The following KIF13A variants were observed in gnomAD, a reference collection of about 807,000 sequenced individuals.
The protein encoded by KIF13A is kinesin-like protein KIF13A.
KIF13A carries 79 observed loss-of-function variants against 212.2 expected under a neutral mutation model. The ratio of observed to expected loss-of-function variants is 0.37; its 90% CI spans 0.31 to 0.45. The LOEUF is 0.45. KIF13A is among the 20% of genes least tolerant of loss of function. The pLI is 1.00. For synonymous variants in KIF13A, 789 were observed against 808.6 expected, an observed-to-expected ratio of 0.98 and a Z score of 0.41; for missense variants, 1,901 against 2,209.0, an observed-to-expected ratio of 0.86 and a Z score of 2.79.
intron 2 of KIF13A, among the ~76,000 whole-genome samples, chr6:17,906,280 T>C (rs1477032622): frequency 1.3e-5 from 2 of 152,134 alleles, no homozygotes; most frequent in African/African-American, 2.4e-5. Context: ...ATATGCTTAA[T>C]GTCATTTTCT....
At position 17,987,055 on chromosome 6, in the gene KIF13A, T is replaced by C. The variant is rs766030430; in HGVS notation, c.145A>G (p.Arg49Gly). 1 of 1,612,216 alleles carries C rather than the reference T, an allele frequency of 6.2e-7. No homozygotes were observed. Among genetic ancestry groups the C allele is most frequent in the Admixed American group, 1.7e-5 (1 of 60,010 alleles). Residue 49 changes from arginine to glycine, a missense_variant and splice_region_variant, in exon 2 of 39, where the codon AGG becomes GGG. This residue lies in a region of KIF13A where 506 missense variants were observed against 637.4 expected (regional missense o/e 0.79). Transcript: ENST00000259711. This position sits in a 1 kb window ranked among gnomAD's most constrained non-coding sequence, Gnocchi z 7.7. ...CCGCCCTCTCGGAACCCGCTTTACC[T>C]TTCTCCCTGTTTGGTGTTAGAAGGA... ...PPPSNTKQGE[R>G]KPPKVFAFDY...
At chr6:17,848,820 C>A (rs1039731012) in intron 9 of KIF13A, among the ~76,000 whole-genome samples, 1 of 152,072 alleles carries the variant, frequency 6.6e-6, no homozygotes, top group Non-Finnish European at 1.5e-5. Context: ...GTTGCCCAGG[C>A]TAGTCTTGAA....
In KIF13A at chr6:17,828,231, T is replaced by C; in HGVS notation, c.1532+9A>G. 1 of 1,609,198 alleles carries C rather than the reference T, an allele frequency of 6.2e-7. No individual in the cohort carries two copies. Among genetic ancestry groups the C allele is most frequent in the Non-Finnish European group, 8.5e-7 (1 of 1,177,606 alleles). On this transcript the variant is annotated intron_variant, in intron 14 of 38. Coordinates refer to ENST00000259711, the MANE Select transcript of KIF13A (RefSeq NM_022113.6). This position sits in a 1 kb window ranked among gnomAD's most constrained non-coding sequence, Gnocchi z 4.3. ...CAAGACACGTGAAGTCACCATTTAC[T>C]TTTCTTACCTTGCATTTTCTTTTGG... is the stretch of plus-strand genomic sequence containing the variant.
chr6:17,799,842 C>A lies in KIF13A; in HGVS notation c.2616+110G>T. ...CTGTCCACCACTGTATCTGCTGTTA[C>A]AAAATCCAACTTTTACTACCCTGGA... On this transcript the variant is annotated intron_variant, in intron 21 of 38. Transcript: ENST00000259711. The surrounding 1 kb of genome is among the most constrained non-coding windows in gnomAD (Gnocchi z 4.4). 7.8e-7 allele frequency: 1 copy of A among 1,281,594 alleles called. No individual in the cohort carries two copies. The highest frequency in any genetic ancestry group is 1.1e-6 in the Non-Finnish European group (1 of 914,534). 79.4% of individuals were successfully genotyped at this position (1,281,594 alleles called of 1,614,324 possible). A position where few individuals can be genotyped will look rare whatever the true frequency, so the allele number is the denominator to read the frequency against.
chr6:17,943,504 T>C (rs1777125941), intron 2 of KIF13A, among the ~76,000 whole-genome samples: 1 of 150,842 alleles, frequency 6.6e-6, no homozygotes, highest in Admixed American at 6.7e-5. Context: ...TGCCTCGGCC[T>C]CCCAAAGTGC....
rs200502612 is a variant in KIF13A, at chr6:17,794,543, T to TA, written c.3075+28dup. On this transcript the variant is annotated intron_variant, in intron 24 of 38. Coordinates refer to ENST00000259711, the MANE Select transcript of KIF13A (RefSeq NM_022113.6). The surrounding 1 kb of genome is among the most constrained non-coding windows in gnomAD (Gnocchi z 4.1). ...TAAGAGTGGAACAGAGAGAAAACAT[T>TA]AAAAAAAAACCCAAAACAAACTCAG... The TA allele has an allele frequency of 0.077, 117,594 of 1,533,788 alleles. 3,467 individuals are homozygous for TA. The highest frequency in any genetic ancestry group is 0.13 in the Middle Eastern group (734 of 5,762).
rs1480649340 is a variant in KIF13A at position 17,826,169 on chromosome 6, C to T, written c.1533-45G>A. 3 of 1,460,686 alleles carry T rather than the reference C, an allele frequency of 2.1e-6. No homozygotes were observed. Among genetic ancestry groups the T allele is most frequent in the South Asian group, 1.2e-5 (1 of 86,488 alleles). The allele number at this position is 1,460,686 out of a possible 1,614,324, so 90.5% of individuals were successfully genotyped here. On this transcript the variant is annotated intron_variant, in intron 14 of 38. Coordinates refer to ENST00000259711, the MANE Select transcript of KIF13A (RefSeq NM_022113.6). This position sits in a 1 kb window ranked among gnomAD's most constrained non-coding sequence, Gnocchi z 4.7. ...AATACCAGGTAAATGGGAAGGAGCA[C>T]AAGACCTTGTCCTGGTAGCCAAAGA...
At chr6:17,845,678 C>T (rs1162459411) in intron 9 of KIF13A, among the ~76,000 whole-genome samples, 2 of 152,230 alleles carry the variant, frequency 1.3e-5, no homozygotes, top group African/African-American at 2.4e-5. Flanking sequence ...AAGGAAAAGG[C>T]TTCCTCATTC....
intron 2 of KIF13A, among the ~76,000 whole-genome samples, chr6:17,945,569 C>T (rs1276914097): frequency 4.6e-5 from 7 of 151,906 alleles, no homozygotes; most frequent in Non-Finnish European, 1.0e-4. Flanking sequence ...AAAAAAGATG[C>T]AAAAACCTTA....
In KIF13A at chr6:17,764,403, T is replaced by C; in HGVS notation, c.5125A>G (p.Ile1709Val). The change falls in exon 39 of 39, where the codon ATT (isoleucine) becomes GTT (valine). Residue 1709 changes from isoleucine to valine, a missense_variant. Around this residue, in one of 5 missense-constraint regions of KIF13A, gnomAD observed 687 missense variants for 759.1 expected, o/e 0.90. Transcript: ENST00000259711. This position sits in a 1 kb window ranked among gnomAD's most constrained non-coding sequence, Gnocchi z 5.1. ...CSELDACPSK[I>V]SQPARGFCPR... ...CAGAATCCCCTGGCTGGCTGGCTAA[T>C]TTTGCTGGGGCAGGCATCTAGTTCT... 6.2e-7 allele frequency: 1 copy of C among 1,614,004 alleles called. No individual in the cohort carries two copies. Among genetic ancestry groups the C allele is most frequent in the Non-Finnish European group, 8.5e-7 (1 of 1,179,888 alleles).
chr6:17,935,033 T>C (rs746848740), intron 2 of KIF13A, among the ~76,000 whole-genome samples: 1 of 152,170 alleles, frequency 6.6e-6, no homozygotes, highest in East Asian at 1.9e-4. Flanking sequence ...GCAACTTCAC[T>C]TGTTGGCCCA....
Position 17,863,927 on chromosome 6 carries a change from G to A in KIF13A, c.221-7805C>T, listed in dbSNP as rs143002864. On this transcript the variant is annotated intron_variant, in intron 4 of 38. Transcript: ENST00000259711. ...GTTCATGAAAAAAGGAGCTGTTTAC[G>A]CTGAGTGGTGGGAATCAGGGAATTC... 3.5e-4 allele frequency among the ~76,000 whole-genome samples: 54 copies of A among 152,254 alleles called. 1 individual carries two copies. In the East Asian group the frequency reaches 9.9e-3, roughly 28 times the overall value.
intron 3 of KIF13A, among the ~76,000 whole-genome samples, chr6:17,882,523 T>C (rs976446558): frequency 1.3e-5 from 2 of 152,226 alleles, no homozygotes; most frequent in African/African-American, 4.8e-5. Flanking sequence ...CCCCTTTTAA[T>C]TTGTTTCCTT....
Position 17,871,827 on chromosome 6 carries a change from T to G in KIF13A, c.220+1550A>C, listed in dbSNP as rs928662290. ...ATATATGGCTGCATCTTGAGTAACA[T>G]AAATTGAACACGGTTAATGACGGGT... On this transcript the variant is annotated intron_variant, in intron 4 of 38. Coordinates refer to ENST00000259711, the MANE Select transcript of KIF13A (RefSeq NM_022113.6). The surrounding 1 kb of genome is among the most constrained non-coding windows in gnomAD (Gnocchi z 4.4). 1.3e-5 allele frequency among the ~76,000 whole-genome samples: 2 copies of G among 152,240 alleles called. No individual in the cohort carries two copies. The highest frequency in any genetic ancestry group is 2.4e-5 in the African/African-American group (1 of 41,462).
intron 4 of KIF13A, among the ~76,000 whole-genome samples, chr6:17,868,876 C>G (rs2150427687): frequency 6.7e-6 from 1 of 150,048 alleles, no homozygotes; most frequent in African/African-American, 2.4e-5. Flanking sequence ...TGTCTGTAAT[C>G]CCAGCTACTC....
intron 3 of KIF13A, chr6:17,881,611 C>A: frequency 2.8e-6 from 1 of 358,474 alleles, no homozygotes; most frequent in Non-Finnish European, 5.4e-6. Context: ...GCAGGAGAAT[C>A]ACTTGAACTC....
At chr6:17,873,190 A>G in intron 4 of KIF13A, 187 bp downstream of exon 4, 1 of 521,168 alleles carries the variant, frequency 1.9e-6, no homozygotes, top group Non-Finnish European at 3.4e-6. Flanking sequence ...CAAGGATTTT[A>G]CAAGTAAGTG....
intron 2 of KIF13A, among the ~76,000 whole-genome samples, chr6:17,924,702 C>G (rs1052278473): frequency 6.6e-6 from 1 of 151,976 alleles, no homozygotes; most frequent in Non-Finnish European, 1.5e-5. Flanking sequence ...CATGATAAGC[C>G]GAGAAGTGGA....
Position 17,768,205 on chromosome 6 carries a change from G to C in KIF13A, c.4581+2909C>G, listed in dbSNP as rs1191516988. ...TCATTTCTCATCATAGCTTAAAGAAGAATAAACTAAGCACCTTCCTACAAT... is the reference window on the plus strand; with the variant it reads ...TCATTTCTCATCATAGCTTAAAGAACAATAAACTAAGCACCTTCCTACAAT... On this transcript the variant is annotated intron_variant, in intron 38 of 38. Coordinates refer to ENST00000259711, the MANE Select transcript of KIF13A (RefSeq NM_022113.6). This position sits in a 1 kb window ranked among gnomAD's most constrained non-coding sequence, Gnocchi z 5.4. 2.6e-5 allele frequency among the ~76,000 whole-genome samples: 4 copies of C among 152,056 alleles called. No homozygotes were observed. Among genetic ancestry groups the C allele is most frequent in the Admixed American group, 2.6e-4 (4 of 15,262 alleles).
Sources: gnomAD v4.1 joint callset for allele counts (sites outside exome capture counted in the v4.1 genomes callset) on GRCh38, gnomAD v4.1.1 for gene constraint, gnomAD v4.1.1 regional missense constraint, Gnocchi (gnomAD v3.1) non-coding constraint, MANE v1.5 for transcripts, NCBI Gene and HGNC (gene_info 2026-07-23, HGNC 2026-07-21) for gene names.